SPAG9: variants seen among roughly 807,000 people sequenced by gnomAD.
The protein encoded by SPAG9 is C-Jun-amino-terminal kinase-interacting protein 4.
Under a neutral mutation model 166.5 loss-of-function variants are expected in SPAG9, and 35 were observed. The ratio of observed to expected loss-of-function variants is 0.21; its 90% CI spans 0.16 to 0.28. SPAG9 has a LOEUF of 0.28. Among genes scored for constraint, SPAG9 ranks in the 10% least tolerant of loss-of-function variants. The probability of loss-of-function intolerance (pLI) is 1.00; values close to 1 mark genes in which losing one functional copy is unlikely to be tolerated. For synonymous variants in SPAG9, 534 were observed against 565.5 expected, an observed-to-expected ratio of 0.94 and a Z score of 0.79; for missense variants, 1,235 against 1,603.3, an observed-to-expected ratio of 0.77 and a Z score of 3.92.
At chr17:51,036,471 C>A (rs12941475) in intron 5 of SPAG9, among the ~76,000 whole-genome samples, 1 of 152,156 alleles carries the variant, frequency 6.6e-6, no homozygotes, top group Admixed American at 6.5e-5. Flanking sequence ...CTTACGGTCT[C>A]TCTTCTCTGC....
chr17:51,109,815 G>A lies in SPAG9; in HGVS notation c.303+10539C>T, dbSNP rs144079687. Among the ~76,000 whole-genome samples, 685 of 151,836 alleles carry A rather than the reference G, an allele frequency of 4.5e-3. 10 individuals carry two copies. Among genetic ancestry groups the A allele is most frequent in the African/African-American group, 0.016 (659 of 41,408 alleles). On this transcript the variant is annotated intron_variant, in intron 1 of 29. Transcript: ENST00000262013. Reference sequence around the variant, plus strand: ...CAGCCTTGACTTCCTAGGCTGGTGCGATCCTCCTGCCTCGGCCCCCCAAGT... The same window carrying A: ...CAGCCTTGACTTCCTAGGCTGGTGCAATCCTCCTGCCTCGGCCCCCCAAGT...
intron 15 of SPAG9, among the ~76,000 whole-genome samples, chr17:50,997,489 T>C (rs895823791): frequency 9.9e-5 from 15 of 152,172 alleles, no homozygotes; most frequent in Non-Finnish European, 1.9e-4. Context: ...TTTCAGAAAA[T>C]AAAAATGCAA....
At chr17:50,970,089 C>T (rs929194761) in intron 29 of SPAG9, among the ~76,000 whole-genome samples, 1 of 152,120 alleles carries the variant, frequency 6.6e-6, no homozygotes, top group Non-Finnish European at 1.5e-5. Context: ...GACAGAAAAC[C>T]GAGGCTCTAA....
chr17:51,090,042 TA>T, intron 1 of SPAG9, among the ~76,000 whole-genome samples: 1 of 152,124 alleles, frequency 6.6e-6, no homozygotes, highest in Non-Finnish European at 1.5e-5. Flanking sequence ...ATGGTTTGCC[TA>T]AAACCTTTAC....
chr17:51,046,101 T>C (rs886593751), intron 4 of SPAG9, among the ~76,000 whole-genome samples: 2 of 152,204 alleles, frequency 1.3e-5, no homozygotes, highest in African/African-American at 4.8e-5. Context: ...AAAATAAGCT[T>C]ACGGCCTGTA....
intron 20 of SPAG9, 67 bp from the exon 21 acceptor site, chr17:50,989,939 C>T (rs201257596): frequency 7.5e-7 from 1 of 1,340,014 alleles, no homozygotes; most frequent in African/African-American, 1.4e-5. Flanking sequence ...CCCACACAAA[C>T]CCCTGTTATA....
intron 6 of SPAG9, among the ~76,000 whole-genome samples, chr17:51,021,790 G>A (rs2144186578): frequency 6.6e-6 from 1 of 151,884 alleles, no homozygotes; most frequent in Admixed American, 6.6e-5. Flanking sequence ...TCTTTGTAAA[G>A]TGTGGTATTA....
chr17:51,075,573 C>G (rs1021604294), intron 2 of SPAG9, among the ~76,000 whole-genome samples: 2 of 152,154 alleles, frequency 1.3e-5, no homozygotes, highest in African/African-American at 2.4e-5. Context: ...ACCTGTAATC[C>G]CAGCATTTGG....
At chr17:50,988,710 C>A (rs966113531) in intron 21 of SPAG9, among the ~76,000 whole-genome samples, 1 of 152,066 alleles carries the variant, frequency 6.6e-6, no homozygotes, top group Admixed American at 6.6e-5. Flanking sequence ...CACGCTACCA[C>A]GCCCAGCGAA....
intron 7 of SPAG9, 94 bp downstream of exon 7, chr17:51,021,064 G>T: frequency 9.9e-7 from 1 of 1,009,042 alleles, no homozygotes; most frequent in Non-Finnish European, 1.5e-6. Context: ...TAAATACAAA[G>T]CAGGCAACAC....
At chr17:51,113,353 C>CAAA (rs34917845) in intron 1 of SPAG9, among the ~76,000 whole-genome samples, 2 of 95,882 alleles carry the variant, frequency 2.1e-5, no homozygotes, top group Admixed American at 1.2e-4. Flanking sequence ...AATGCCATAT[C>CAAA]AAAAAAAAAA....
At chr17:51,021,009 T>A (rs2045917842) in intron 7 of SPAG9, 149 bp downstream of exon 7, 1 of 673,828 alleles carries the variant, frequency 1.5e-6, no homozygotes, top group East Asian at 2.5e-5. Context: ...AATCTACAGA[T>A]GCAGAACCAC....
At chr17:51,098,854 C>A (rs962561729) in intron 1 of SPAG9, among the ~76,000 whole-genome samples, 4 of 151,516 alleles carry the variant, frequency 2.6e-5, no homozygotes, top group Non-Finnish European at 2.9e-5. Context: ...GTAATCCCAG[C>A]AATTTGGGAG....
chr17:51,097,212 C>A (rs1433252334), intron 1 of SPAG9, among the ~76,000 whole-genome samples: 1 of 152,230 alleles, frequency 6.6e-6, no homozygotes, highest in East Asian at 1.9e-4. Flanking sequence ...TGCACCACTA[C>A]CCCCATACCC....
chr17:51,002,059 A>G (rs973803471), intron 12 of SPAG9, among the ~76,000 whole-genome samples: 8 of 152,148 alleles, frequency 5.3e-5, no homozygotes, highest in African/African-American at 1.9e-4. Context: ...TCTGTTGCCC[A>G]CCCTGAAGTG....
chr17:51,019,741 A>G (rs2045861926), intron 8 of SPAG9, among the ~76,000 whole-genome samples: 1 of 152,058 alleles, frequency 6.6e-6, no homozygotes, highest in Non-Finnish European at 1.5e-5. Flanking sequence ...AATCCCAGCA[A>G]CTAGGGAGGC....
At chr17:50,968,705 T>C (rs760853531) in intron 29 of SPAG9, among the ~76,000 whole-genome samples, 2 of 152,036 alleles carry the variant, frequency 1.3e-5, no homozygotes, top group Non-Finnish European at 2.9e-5. Context: ...CACTCCAGCC[T>C]GGGTGACAGA....
chr17:50,999,471 C>A (rs1301172843), intron 14 of SPAG9, 190 bp downstream of exon 14: 2 of 1,507,582 alleles, frequency 1.3e-6, no homozygotes, highest in Non-Finnish European at 8.8e-7. Flanking sequence ...TGAGAAGAGC[C>A]TTACCGAGTT....
chr17:51,031,586 G>GCATCTGATGT, intron 6 of SPAG9, 95 bp downstream of exon 6: 1 of 874,194 alleles, frequency 1.1e-6, no homozygotes, highest in Middle Eastern at 2.1e-4. Flanking sequence ...TCCAAGCTGA[G>GCATCTGATGT]CATCTGATGT....
Sources: gnomAD v4.1 joint callset for allele counts (sites outside exome capture counted in the v4.1 genomes callset) on GRCh38, gnomAD v4.1.1 for gene constraint, MANE v1.5 for transcripts, NCBI Gene and HGNC (gene_info 2026-07-23, HGNC 2026-07-21) for gene names.